Variants in ZNF28 observed in about 807,000 individuals in gnomAD.
The protein encoded by ZNF28 is zinc finger protein KOX24.
ZNF28 carries 5 observed loss-of-function variants against 7.2 expected under a neutral mutation model. The ratio of observed to expected loss-of-function variants is 0.70; its 90% CI spans 0.36 to 1.46. ZNF28 has a LOEUF of 1.46. ZNF28 is among the 40% of genes most tolerant of loss of function. The pLI, the probability that ZNF28 is intolerant of heterozygous loss-of-function variation, is 0.03. For synonymous variants in ZNF28, 288 were observed against 292.4 expected, an observed-to-expected ratio of 0.99 and a Z score of 0.15; for missense variants, 879 against 866.6, an observed-to-expected ratio of 1.01 and a Z score of -0.18.
Position 52,810,781 on chromosome 19 carries a change from A to AAC in ZNF28, c.16-2649_16-2648insGT, listed in dbSNP as rs1568655440. 238 of 119,242 alleles carry AAC rather than the reference A, an allele frequency of 2.0e-3. 2 individuals are homozygous for AAC. The highest frequency in any genetic ancestry group is 5.7e-3 in the Middle Eastern group (2 of 348). The allele number at this position is 119,242 out of a possible 1,614,324, so 7.4% of individuals were successfully genotyped here. ...AAAAAAAAAGAATAAAAAAAAACCC[A>AAC]AAAAAAACAGAAGATGACCTTGATG... is the stretch of plus-strand genomic sequence containing the variant. On this transcript the variant is annotated intron_variant, in intron 2 of 3. Coordinates refer to ENST00000457749, the MANE Select transcript of ZNF28 (RefSeq NM_006969.5).
At position 52,797,984 on chromosome 19, in the gene ZNF28, T is replaced by C. The variant is rs963393940; in HGVS notation, c.*1704A>G. The C allele has an allele frequency of 1.3e-5, 2 of 152,156 alleles. No homozygotes were observed. The highest frequency in any genetic ancestry group is 1.3e-4 in the Admixed American group (2 of 15,258). 9.4% of individuals were successfully genotyped at this position (152,156 alleles called of 1,614,324 possible). A position where few individuals can be genotyped will look rare whatever the true frequency, so the allele number is the denominator to read the frequency against. On this transcript the variant is annotated 3_prime_UTR_variant, in exon 4 of 4. Coordinates refer to ENST00000457749, the MANE Select transcript of ZNF28 (RefSeq NM_006969.5). ...AAAAATACAAAAAATTATCCAGGTGTGGTGGCATGCACCTGTAGTCCCAGC... is the reference window on the plus strand; with the variant it reads ...AAAAATACAAAAAATTATCCAGGTGCGGTGGCATGCACCTGTAGTCCCAGC...
intron 1 of ZNF28, among the ~76,000 whole-genome samples, chr19:52,819,666 C>A (rs2063171145): frequency 7.2e-6 from 1 of 139,290 alleles, no homozygotes; most frequent in Non-Finnish European, 1.5e-5. Flanking sequence ...TGCCTGAATT[C>A]TTACATGGGG....
At chr19:52,809,201 A>C (rs868162275) in intron 2 of ZNF28, among the ~76,000 whole-genome samples, 1 of 152,324 alleles carries the variant, frequency 6.6e-6, no homozygotes, top group Middle Eastern at 3.4e-3. Context: ...TAGAAGAAGC[A>C]ATCACCCTTT....
rs534203181 is a variant in ZNF28 at position 52,799,123 on chromosome 19, G to A, written c.*565C>T. 2.5e-6 allele frequency: 1 copy of A among 406,522 alleles called. No homozygotes were observed. The highest frequency in any genetic ancestry group is 4.8e-6 in the Non-Finnish European group (1 of 208,740). 25.2% of individuals were successfully genotyped at this position (406,522 alleles called of 1,614,324 possible). On this transcript the variant is annotated 3_prime_UTR_variant, in exon 4 of 4. Transcript: ENST00000457749. ...TTGTAAGATTTCTCTGCAGTATGAAGACTATGATGACTTGCAAGGTGTGAC... is the reference window on the plus strand; with the variant it reads ...TTGTAAGATTTCTCTGCAGTATGAAAACTATGATGACTTGCAAGGTGTGAC...
rs575931877 is a variant in ZNF28 at position 52,810,074 on chromosome 19, T to A, written c.16-1941A>T. 20 of 754,312 alleles carry A rather than the reference T, an allele frequency of 2.7e-5. No individual in the cohort carries two copies. The African/African-American group carries it at 2.8e-4, about 10-fold the overall frequency. The allele number at this position is 754,312 out of a possible 1,614,324, so 46.7% of individuals were successfully genotyped here. A position where few individuals can be genotyped will look rare whatever the true frequency, so the allele number is the denominator to read the frequency against. On this transcript the variant is annotated intron_variant, in intron 2 of 3. Transcript: ENST00000457749. ...CCCCATGCCTGGGAGCTCCAGGACC[T>A]GGGCCTCGTTCAGGAGCCACCGGCA...
At chr19:52,811,904 C>G (rs796703932) in intron 2 of ZNF28, among the ~76,000 whole-genome samples, 27 of 121,314 alleles carry the variant, frequency 2.2e-4, no homozygotes, top group Admixed American at 1.5e-3. Flanking sequence ...GACAGCCCCC[C>G]GCCCGGCCAG....
chr19:52,808,319 T>C (rs1266466196), intron 2 of ZNF28, among the ~76,000 whole-genome samples, 186 bp from the exon 3 acceptor site: 1 of 152,218 alleles, frequency 6.6e-6, no homozygotes, highest in Non-Finnish European at 1.5e-5. Context: ...ACTTTCAGTA[T>C]GAAATTCCTA....
Position 52,798,334 on chromosome 19 carries a change from A to T in ZNF28, c.*1354T>A. The T allele has an allele frequency of 6.1e-6, 2 of 325,548 alleles. No individual in the cohort carries two copies. The highest frequency in any genetic ancestry group is 1.2e-5 in the Non-Finnish European group (2 of 167,018). The allele number at this position is 325,548 out of a possible 1,614,324, so 20.2% of individuals were successfully genotyped here. ...TAACATAAACAGTTTAATGTCAATT[A>T]ATGCTTAAACTCAATGTTAAGTCAA... On this transcript the variant is annotated 3_prime_UTR_variant, in exon 4 of 4. Coordinates refer to ENST00000457749, the MANE Select transcript of ZNF28 (RefSeq NM_006969.5).
chr19:52,818,308 T>A lies in ZNF28; in HGVS notation c.-73-277A>T, dbSNP rs1195791976. 3.3e-5 allele frequency among the ~76,000 whole-genome samples: 5 copies of A among 152,270 alleles called. No individual in the cohort carries two copies. The East Asian group carries it at 9.7e-4, about 29-fold the overall frequency. ...ACTTAGCCAGATATGGTGGTGCGCA[T>A]CTGTGTGTCTGTGGTCCCAGCTACT... On this transcript the variant is annotated intron_variant, in intron 1 of 3. Transcript: ENST00000457749.
chr19:52,811,316 C>T (rs1225573930), intron 2 of ZNF28, among the ~76,000 whole-genome samples: 3 of 150,312 alleles, frequency 2.0e-5, no homozygotes, highest in African/African-American at 5.0e-5. Context: ...GCCGCCACCC[C>T]GTCTGGGAAG....
rs74870761 is a variant in ZNF28, at chr19:52,801,534, T to C, written c.311A>G (p.Asp104Gly). The change falls in exon 4 of 4, where the codon GAT (aspartate) becomes GGT (glycine). Residue 104 changes from aspartate (D) to glycine (G), a missense_variant. Asp to Gly is a moderately conservative substitution (Grantham distance 94). Transcript: ENST00000457749. ...IHGFQFQWKE[D>G]ETNDHAAPMT... ...GGGTGCTGCATGGTCATTTGTTTCA[T>C]CTTCTTTCCACTGAAACTGGAAGCC... 6,396 of 1,614,158 alleles carry C rather than the reference T, an allele frequency of 4.0e-3. 187 individuals carry two copies. The African/African-American group carries it at 0.071, about 18-fold the overall frequency.
rs1255046426 is a variant in ZNF28 at position 52,801,691 on chromosome 19, T to C, written c.154A>G (p.Lys52Glu). 10 of 1,611,136 alleles carry C rather than the reference T, an allele frequency of 6.2e-6. No individual in the cohort carries two copies. Among genetic ancestry groups the C allele is most frequent in the Non-Finnish European group, 7.6e-6 (9 of 1,178,784 alleles). Residue 52 changes from lysine to glutamate, a missense_variant, in exon 4 of 4, where the codon AAA (lysine) becomes GAA (glutamate). Lys to Glu is a moderately conservative substitution (Grantham distance 56). This residue lies in a region of ZNF28 where 864 missense variants were observed against 830.2 expected (regional missense o/e 1.04). Coordinates refer to ENST00000457749, the MANE Select transcript of ZNF28 (RefSeq NM_006969.5). ...RNLVSLDISSKCMMKTFFSTG... is the reference protein window; with the variant it reads ...RNLVSLDISSECMMKTFFSTG... ...GAGAAGAATGTCTTCATCATGCATT[T>C]GGAAGAGATATCTACAAAATATAAA... is the stretch of plus-strand genomic sequence containing the variant.
Position 52,801,258 on chromosome 19 carries a change from G to A in ZNF28, c.587C>T (p.Ser196Phe), listed in dbSNP as rs749551387. Residue 196 changes from serine to phenylalanine, a missense_variant, in exon 4 of 4, where the codon TCC becomes TTC. Transcript: ENST00000457749. ...THISNKYGNN[S>F]LHSSLLTQKR... ...TTGTGTGAGTAATGAAGAATGGAGG[G>A]AATTATTTCCATACTTATTAGAAAT... is the stretch of plus-strand genomic sequence containing the variant. 10 of 1,614,120 alleles carry A rather than the reference G, an allele frequency of 6.2e-6. 1 individual carries two copies. The South Asian group carries it at 8.8e-5, about 14-fold the overall frequency.
At chr19:52,802,635 C>G (rs1056650514) in intron 3 of ZNF28, among the ~76,000 whole-genome samples, 2 of 152,076 alleles carry the variant, frequency 1.3e-5, no homozygotes, top group African/African-American at 4.8e-5. Flanking sequence ...TGAGATCGCA[C>G]CACTGCACTC....
At chr19:52,818,489 G>C (rs1036621349) in intron 1 of ZNF28, among the ~76,000 whole-genome samples, 2 of 152,072 alleles carry the variant, frequency 1.3e-5, no homozygotes, top group Non-Finnish European at 2.9e-5. Context: ...GAGGTGGGTG[G>C]ATTACTTGAG....
intron 2 of ZNF28, among the ~76,000 whole-genome samples, chr19:52,810,949 G>C (rs1325259558): frequency 7.7e-6 from 1 of 129,732 alleles, no homozygotes; most frequent in African/African-American, 2.9e-5. Flanking sequence ...AGCCAAAGCT[G>C]GACGGTACTG....
intron 3 of ZNF28, among the ~76,000 whole-genome samples, chr19:52,804,595 T>C (rs1037240060): frequency 6.6e-6 from 1 of 152,194 alleles, no homozygotes; most frequent in Non-Finnish European, 1.5e-5. Context: ...TGTCTCAAAC[T>C]CGTGACCTCA....
rs1307056237 is a variant in ZNF28, at chr19:52,819,471, G to GA, written c.-73-1441dup. ...TACAACTGGGCACTCCCCTCTACCAGAAAAAAAGCCACACCCAGACACCCA... is the reference window on the plus strand; with the variant it reads ...TACAACTGGGCACTCCCCTCTACCAGAAAAAAAAGCCACACCCAGACACCCA... On this transcript the variant is annotated intron_variant, in intron 1 of 3. Coordinates refer to ENST00000457749, the MANE Select transcript of ZNF28 (RefSeq NM_006969.5). 1.9e-5 allele frequency among the ~76,000 whole-genome samples: 2 copies of GA among 107,608 alleles called. 1 individual carries two copies. The highest frequency in any genetic ancestry group is 7.6e-5 in the African/African-American group (2 of 26,432). The allele number at this position is 107,608 out of a possible 152,430, so 70.6% of individuals were successfully genotyped here.
chr19:52,817,891 C>T, intron 2 of ZNF28, 53 bp downstream of exon 2: 1 of 1,608,506 alleles, frequency 6.2e-7, no homozygotes, highest in Admixed American at 1.7e-5. Flanking sequence ...CTCCAAGGCC[C>T]AGCGTTTCTG....
Sources: gnomAD v4.1 joint callset for allele counts (sites outside exome capture counted in the v4.1 genomes callset) on GRCh38, gnomAD v4.1.1 for gene constraint, gnomAD v4.1.1 regional missense constraint, MANE v1.5 for transcripts, NCBI Gene and HGNC (gene_info 2026-07-23, HGNC 2026-07-21) for gene names.